Variants in PTPN12 observed in about 807,000 individuals in gnomAD.
PTPN12 encodes protein tyrosine phosphatase non-receptor type 12, also known as tyrosine-protein phosphatase non-receptor type 12.
PTPN12 carries 29 observed loss-of-function variants against 97.6 expected under a neutral mutation model. The ratio of observed to expected loss-of-function variants is 0.30; its 90% confidence interval spans 0.22 to 0.41. The LOEUF is 0.41. PTPN12 is among the 10% of genes least tolerant of loss of function. PTPN12 has a pLI of 1.00. For synonymous variants in PTPN12, 327 were observed against 300.4 expected (o/e 1.09, Z -0.91); for missense variants, 819 against 926.0 (o/e 0.88, Z 1.50).
At position 77,537,529 on chromosome 7, in the gene PTPN12, C is replaced by A; in HGVS notation, c.-18C>A. On this transcript the variant is annotated 5_prime_UTR_variant, in exon 1 of 18. Transcript: ENST00000248594. ...GCGGCGGGGGGGCCAGCGACCGCAG[C>A]CGGGGGGACGCGGGAGGATGGAGCA... 2 of 1,578,478 alleles carry A rather than the reference C, an allele frequency of 1.3e-6. No homozygotes were observed. The highest frequency in any genetic ancestry group is 2.3e-5 in the South Asian group (2 of 87,022).
At chr7:77,545,222 GA>G (rs1807156772) in intron 1 of PTPN12, among the ~76,000 whole-genome samples, 1 of 152,094 alleles carries the variant, frequency 6.6e-6, no homozygotes, top group South Asian at 2.1e-4. Context: ...TGGGTATTTA[GA>G]GAGTGATTAC....
At chr7:77,578,464 G>A (rs369562905) in intron 2 of PTPN12, among the ~76,000 whole-genome samples, 2 of 152,160 alleles carry the variant, frequency 1.3e-5, no homozygotes, top group South Asian at 4.1e-4. Context: ...ACAGTGAGGA[G>A]ATGAATAATT....
At chr7:77,560,895 G>A (rs1428138281) in intron 1 of PTPN12, among the ~76,000 whole-genome samples, 3 of 151,526 alleles carry the variant, frequency 2.0e-5, no homozygotes, top group Non-Finnish European at 2.9e-5. Context: ...CCTGCTTTCC[G>A]TTCTTTGGGG....
At position 77,627,228 on chromosome 7, in the gene PTPN12, T is replaced by A; in HGVS notation, c.1549T>A (p.Ser517Thr). The change falls in exon 13 of 18, where the codon TCA (serine) becomes ACA (threonine). Residue 517 changes from serine to threonine, a missense_variant. Physicochemically the swap from Ser to Thr is moderately conservative, Grantham distance 58. Coordinates refer to ENST00000248594, the MANE Select transcript of PTPN12 (RefSeq NM_002835.4). The part of the protein sequence containing the change: ...SVTPPEESQN[S>T]DTPPRPDRLP... ...TACTCCACCAGAAGAATCCCAGAAT[T>A]CAGACACACCTCCAAGGCCAGACCG... 1.9e-6 allele frequency: 3 copies of A among 1,614,108 alleles called. No homozygotes were observed. Among genetic ancestry groups the A allele is most frequent in the Non-Finnish European group, 2.5e-6 (3 of 1,179,998 alleles).
intron 5 of PTPN12, among the ~76,000 whole-genome samples, chr7:77,590,916 G>T (rs781594147): frequency 3.3e-5 from 5 of 151,780 alleles, no homozygotes; most frequent in Non-Finnish European, 5.9e-5. Flanking sequence ...ACACGCCTGT[G>T]GTCCCAGCTA....
At chr7:77,609,880 CA>C (rs377678673) in intron 9 of PTPN12, among the ~76,000 whole-genome samples, 4 of 112,886 alleles carry the variant, frequency 3.5e-5, no homozygotes, top group Admixed American at 1.0e-4. Flanking sequence ...GACTCCGTCT[CA>C]AAAAAAAAAC....
At chr7:77,639,109 C>A in intron 17 of PTPN12, 110 bp from the exon 18 acceptor site, 2 of 887,954 alleles carry the variant, frequency 2.3e-6, no homozygotes, top group African/African-American at 1.7e-5. Flanking sequence ...TCTAAATTCC[C>A]TTGTGGAAAT....
chr7:77,608,670 C>T (rs1313147485), intron 9 of PTPN12, among the ~76,000 whole-genome samples: 1 of 151,474 alleles, frequency 6.6e-6, no homozygotes, highest in Non-Finnish European at 1.5e-5. Context: ...CTCTTTTTTC[C>T]CTGCCATCTC....
intron 13 of PTPN12, among the ~76,000 whole-genome samples, chr7:77,628,252 C>T (rs1406396005): frequency 6.6e-6 from 1 of 152,136 alleles, no homozygotes; most frequent in Non-Finnish European, 1.5e-5. Context: ...TATATGCATA[C>T]CTACTCATCA....
intron 1 of PTPN12, chr7:77,563,916 A>G: frequency 2.3e-6 from 1 of 439,726 alleles, no homozygotes; most frequent in Non-Finnish European, 4.6e-6. Flanking sequence ...AGTGATGTGC[A>G]TTTTTTCTTT....
rs778417014 is a variant in PTPN12, at chr7:77,627,685, T to A, written c.1996+10T>A. The stretch of plus-strand genomic sequence containing the variant: ...TCAGGTGCTGAAAAAGGTAATAATA[T>A]AGTGTCAAATACTTAAATGTCTTTC... On this transcript the variant is annotated intron_variant, in intron 13 of 17. Coordinates refer to ENST00000248594, the MANE Select transcript of PTPN12 (RefSeq NM_002835.4). 33 of 1,539,950 alleles carry A rather than the reference T, an allele frequency of 2.1e-5. No homozygotes were observed. In the East Asian group the frequency reaches 4.1e-4, roughly 19 times the overall value.
At chr7:77,612,245 T>G (rs1788594364) in intron 11 of PTPN12, among the ~76,000 whole-genome samples, 1 of 152,190 alleles carries the variant, frequency 6.6e-6, no homozygotes, top group Non-Finnish European at 1.5e-5. Context: ...GAAATATGCA[T>G]TTCTTTTATT....
intron 14 of PTPN12, 103 bp from the exon 15 acceptor site, chr7:77,635,679 G>C (rs749550287): frequency 3.4e-5 from 21 of 623,212 alleles, no homozygotes; most frequent in Non-Finnish European, 4.9e-5. Context: ...TTGTGGAAGC[G>C]ATAGTTTCTA....
chr7:77,608,422 T>TA (rs1788448818), intron 9 of PTPN12, among the ~76,000 whole-genome samples: 1 of 152,258 alleles, frequency 6.6e-6, no homozygotes, highest in Non-Finnish European at 1.5e-5. Context: ...TAGTGTTTGA[T>TA]ACTGTGGATG....
intron 1 of PTPN12, among the ~76,000 whole-genome samples, chr7:77,553,630 T>C (rs1179532641): frequency 1.3e-5 from 2 of 152,240 alleles, no homozygotes; most frequent in Non-Finnish European, 1.5e-5. Context: ...TGTTAGCTGA[T>C]ATATTTTTTT....
intron 8 of PTPN12, among the ~76,000 whole-genome samples, chr7:77,605,452 C>T (rs1433012871): frequency 1.8e-5 from 2 of 112,436 alleles, no homozygotes; most frequent in Non-Finnish European, 3.3e-5. Context: ...CGGAGTCTCG[C>T]TCTGTCGCCC....
intron 1 of PTPN12, among the ~76,000 whole-genome samples, chr7:77,558,884 A>G (rs1239795305): frequency 2.6e-5 from 4 of 152,142 alleles, no homozygotes; most frequent in Admixed American, 6.6e-5. Context: ...CATGGTGTGC[A>G]CCTGTGTAGT....
At chr7:77,566,380 A>G (rs984416539) in intron 1 of PTPN12, among the ~76,000 whole-genome samples, 2 of 152,194 alleles carry the variant, frequency 1.3e-5, no homozygotes, top group Admixed American at 1.3e-4. Flanking sequence ...TAGAACAGTA[A>G]TAAAGGAGTG....
At chr7:77,539,289 G>A (rs1326306661) in intron 1 of PTPN12, among the ~76,000 whole-genome samples, 1 of 152,086 alleles carries the variant, frequency 6.6e-6, no homozygotes. Context: ...AGTTTTCTCA[G>A]TATCTTTTGA....
Sources: allele counts gnomAD v4.1 joint callset (sites outside exome capture counted in the v4.1 genomes callset), GRCh38; gene constraint gnomAD v4.1.1; transcripts MANE v1.5; gene names NCBI Gene and HGNC (gene_info 2026-07-23, HGNC 2026-07-21).